The following CNTNAP2 variants were observed in gnomAD, a reference collection of about 807,000 sequenced individuals.
CNTNAP2 encodes the protein contactin-associated protein-like 2.
CNTNAP2 carries 98 observed loss-of-function variants against 155.2 expected under a neutral mutation model. That is an observed-to-expected ratio of 0.63 (90% confidence interval 0.54 to 0.75). The LOEUF is 0.75. Among genes scored for constraint, CNTNAP2 ranks in the 30% least tolerant of loss-of-function variants. The pLI is 0.00. For missense variants in CNTNAP2, 1,727 were observed against 1,688.1 expected (o/e 1.02, Z -0.40); for synonymous variants, 651 against 631.2 (o/e 1.03, Z -0.47).
intron 3 of CNTNAP2, among the ~76,000 whole-genome samples, chr7:146,869,891 T>C (rs1014591714): frequency 6.6e-6 from 1 of 152,128 alleles, no homozygotes; most frequent in African/African-American, 2.4e-5. Flanking sequence ...AATATTAATC[T>C]CTTCTGGTAA....
intron 1 of CNTNAP2, among the ~76,000 whole-genome samples, chr7:146,234,863 A>G (rs1372176850): frequency 6.6e-6 from 1 of 152,230 alleles, no homozygotes; most frequent in Non-Finnish European, 1.5e-5. Flanking sequence ...TGAGCATTTT[A>G]GCATATGAGT....
At chr7:146,340,437 A>C (rs970189253) in intron 1 of CNTNAP2, among the ~76,000 whole-genome samples, 7 of 151,886 alleles carry the variant, frequency 4.6e-5, no homozygotes, top group African/African-American at 1.7e-4. Context: ...TAATGAAAGA[A>C]AACAGAATGC....
chr7:147,801,530 C>G lies in CNTNAP2; in HGVS notation c.2099-102035C>G, dbSNP rs552007952. On this transcript the variant is annotated intron_variant, in intron 13 of 23. Coordinates refer to ENST00000361727, the MANE Select transcript of CNTNAP2 (RefSeq NM_014141.6). ...ATTAGGGAGTGGTGATGATTCTTAA[C>G]GAGCATGCTGCCTTCAAGCATCTGT... 3.0e-3 allele frequency among the ~76,000 whole-genome samples: 461 copies of G among 151,738 alleles called. 5 individuals are homozygous for G. The highest frequency in any genetic ancestry group is 0.01 in the African/African-American group (419 of 41,312).
At chr7:148,215,867 A>G (rs1007393022) in intron 18 of CNTNAP2, among the ~76,000 whole-genome samples, 1 of 152,226 alleles carries the variant, frequency 6.6e-6, no homozygotes. Flanking sequence ...CGACCTCTTT[A>G]ACAAGAACAA....
intron 8 of CNTNAP2, chr7:147,146,264 A>C (rs929674956): frequency 6.5e-6 from 1 of 154,870 alleles, no homozygotes; most frequent in South Asian, 2.0e-4. Flanking sequence ...TCACCTTCTC[A>C]GTCTGCCATG....
chr7:147,351,548 G>A (rs2116878947), intron 9 of CNTNAP2, among the ~76,000 whole-genome samples: 1 of 151,854 alleles, frequency 6.6e-6, no homozygotes, highest in Admixed American at 6.6e-5. Context: ...ATATAAAACA[G>A]TAGTATTTGT....
At chr7:146,701,978 G>A (rs570433033) in intron 1 of CNTNAP2, among the ~76,000 whole-genome samples, 6 of 152,224 alleles carry the variant, frequency 3.9e-5, no homozygotes, top group African/African-American at 1.4e-4. Context: ...GAAGGAGAGG[G>A]GTGTGCTTCG....
intron 11 of CNTNAP2, among the ~76,000 whole-genome samples, chr7:147,556,266 C>G (rs1584810628): frequency 1.1e-5 from 1 of 92,706 alleles, no homozygotes; most frequent in South Asian, 4.2e-4. Flanking sequence ...AAAAGTTATT[C>G]TTTAAATAGA....
intron 15 of CNTNAP2, among the ~76,000 whole-genome samples, chr7:147,998,471 C>T (rs553014828): frequency 2.6e-5 from 4 of 152,194 alleles, no homozygotes; most frequent in Admixed American, 2.0e-4. Context: ...GATACAGAGG[C>T]GTGACCGATG....
At chr7:148,294,530 C>T (rs9640520) in intron 21 of CNTNAP2, among the ~76,000 whole-genome samples, 2 of 151,736 alleles carry the variant, frequency 1.3e-5, no homozygotes, top group Non-Finnish European at 2.9e-5. Flanking sequence ...GAAGGAGCAA[C>T]GCTTTGTGTT....
intron 13 of CNTNAP2, among the ~76,000 whole-genome samples, chr7:147,674,440 T>C (rs1186256251): frequency 1.3e-5 from 2 of 152,274 alleles, no homozygotes; most frequent in African/African-American, 2.4e-5. Context: ...TGTTTAAAGC[T>C]GCAGGCAATG....
intron 14 of CNTNAP2, among the ~76,000 whole-genome samples, chr7:147,955,210 AATTGAAG>A (rs1414814989): frequency 6.6e-6 from 1 of 152,234 alleles, no homozygotes; most frequent in African/African-American, 2.4e-5. Context: ...TAGTCATCAA[AATTGAAG>A]ATCCAAAAAG....
intron 3 of CNTNAP2, among the ~76,000 whole-genome samples, chr7:146,907,717 C>A (rs993902294): frequency 1.0e-4 from 15 of 150,198 alleles, no homozygotes; most frequent in African/African-American, 3.7e-4. Flanking sequence ...TAAAGACCAT[C>A]GAGACTAGGA....
At chr7:148,311,888 T>C (rs1585262946) in intron 21 of CNTNAP2, among the ~76,000 whole-genome samples, 1 of 152,056 alleles carries the variant, frequency 6.6e-6, no homozygotes, top group African/African-American at 2.4e-5. Flanking sequence ...GATACAGTCA[T>C]AGGGGTCAGG....
chr7:146,368,863 T>TAG (rs994312458), intron 1 of CNTNAP2, among the ~76,000 whole-genome samples: 1 of 150,322 alleles, frequency 6.7e-6, no homozygotes, highest in Non-Finnish European at 1.5e-5. Context: ...TATATATATA[T>TAG]ATAGATGCTT....
At chr7:147,714,559 T>G (rs568511025) in intron 13 of CNTNAP2, among the ~76,000 whole-genome samples, 1 of 152,192 alleles carries the variant, frequency 6.6e-6, no homozygotes, top group East Asian at 1.9e-4. Flanking sequence ...AAATATTCTC[T>G]TTTTGGAGTT....
chr7:148,200,486 C>T (rs903071223), intron 18 of CNTNAP2, among the ~76,000 whole-genome samples: 9 of 151,706 alleles, frequency 5.9e-5, no homozygotes, highest in Admixed American at 3.9e-4. Context: ...CTTCGAACTC[C>T]TGGGCTCAAG....
intron 23 of CNTNAP2, among the ~76,000 whole-genome samples, chr7:148,411,101 A>G (rs1297033716): frequency 6.6e-6 from 1 of 152,206 alleles, no homozygotes; most frequent in Admixed American, 6.5e-5. Flanking sequence ...GGACAGCTAC[A>G]TAATAATTTG....
At chr7:147,864,618 T>C (rs1329474059) in intron 13 of CNTNAP2, among the ~76,000 whole-genome samples, 1 of 152,228 alleles carries the variant, frequency 6.6e-6, no homozygotes. Flanking sequence ...CAGTGTTTTG[T>C]AGTTCTCCTT....
Sources: allele counts gnomAD v4.1 joint callset (sites outside exome capture counted in the v4.1 genomes callset), GRCh38; gene constraint gnomAD v4.1.1; transcripts MANE v1.5; gene names NCBI Gene and HGNC (gene_info 2026-07-23, HGNC 2026-07-21).